Variants in CSTPP1 observed in about 807,000 individuals in gnomAD.
The protein encoded by CSTPP1 is UPF0705 protein C11orf49.
the CSTPP1 span, among the ~76,000 whole-genome samples, chr11:47,039,266 C>T: frequency 1.0e-4 from 13 of 127,770 alleles, 5 homozygotes; most frequent in Non-Finnish European, 2.4e-4. Flanking sequence ...CTCAGGATGC[C>T]GAGGCTGGCG....
the CSTPP1 span, among the ~76,000 whole-genome samples, chr11:46,946,573 G>A: frequency 1.3e-5 from 2 of 152,212 alleles, no homozygotes; most frequent in African/African-American, 4.8e-5. Flanking sequence ...CAGGAGAATG[G>A]TGTGAACCCG....
the CSTPP1 span, among the ~76,000 whole-genome samples, chr11:46,990,070 A>C: frequency 6.6e-6 from 1 of 152,162 alleles, no homozygotes; most frequent in Non-Finnish European, 1.5e-5. Context: ...GGTTGACTCC[A>C]TGTCTTTGCT....
chr11:47,081,233 T>C, the CSTPP1 span, among the ~76,000 whole-genome samples: 2 of 152,188 alleles, frequency 1.3e-5, no homozygotes, highest in Admixed American at 6.5e-5. Flanking sequence ...CTTATTTGCT[T>C]ATTTTTTTGA....
the CSTPP1 span, among the ~76,000 whole-genome samples, chr11:47,111,985 TC>T: frequency 6.6e-6 from 1 of 152,196 alleles, no homozygotes; most frequent in Non-Finnish European, 1.5e-5. Context: ...CTTCTTCCTT[TC>T]CCTCTTATTC....
At chr11:47,161,572 T>C in the CSTPP1 span, 2 of 1,614,090 alleles carry the variant, frequency 1.2e-6, no homozygotes, top group Middle Eastern at 1.6e-4. Context: ...GACCTCTCCA[T>C]CATTCCCGAA....
At chr11:47,043,167 G>A in the CSTPP1 span, among the ~76,000 whole-genome samples, 1 of 152,152 alleles carries the variant, frequency 6.6e-6, no homozygotes, top group Admixed American at 6.6e-5. Flanking sequence ...GCAGGAGACT[G>A]GAGCTAGCCC....
the CSTPP1 span, among the ~76,000 whole-genome samples, chr11:46,967,997 A>C: frequency 6.6e-6 from 1 of 151,920 alleles, no homozygotes; most frequent in Non-Finnish European, 1.5e-5. Flanking sequence ...GGCGGAAGAA[A>C]GCAGAAACAA....
chr11:47,012,532 A>C, the CSTPP1 span, among the ~76,000 whole-genome samples: 1 of 152,174 alleles, frequency 6.6e-6, no homozygotes, highest in Non-Finnish European at 1.5e-5. Flanking sequence ...AGCAAAGCAA[A>C]CTTTATTTGC....
At chr11:47,147,372 G>A in the CSTPP1 span, among the ~76,000 whole-genome samples, 1 of 152,168 alleles carries the variant, frequency 6.6e-6, no homozygotes. Context: ...GAAGCCAGTA[G>A]GTCTGGAATT....
the CSTPP1 span, among the ~76,000 whole-genome samples, chr11:47,028,484 G>A: frequency 6.6e-6 from 1 of 152,128 alleles, no homozygotes; most frequent in Non-Finnish European, 1.5e-5. Flanking sequence ...TCTAAGAACT[G>A]TAGTAATTAG....
chr11:46,997,092 A>G, the CSTPP1 span, among the ~76,000 whole-genome samples: 2 of 152,038 alleles, frequency 1.3e-5, no homozygotes, highest in Non-Finnish European at 2.9e-5. Context: ...CTGAATTTGA[A>G]TGTTGGCTTT....
chr11:46,995,167 T>G, the CSTPP1 span, among the ~76,000 whole-genome samples: 16 of 152,326 alleles, frequency 1.1e-4, no homozygotes, highest in East Asian at 3.1e-3. Flanking sequence ...TCTTCTCTCT[T>G]TTCTTCTTTA....
the CSTPP1 span, among the ~76,000 whole-genome samples, chr11:47,035,185 T>C: frequency 3.3e-5 from 5 of 152,212 alleles, no homozygotes; most frequent in African/African-American, 1.2e-4. Flanking sequence ...TACCTTAGAT[T>C]CATTTATCTT....
At chr11:47,155,523 A>T in the CSTPP1 span, 5 of 551,092 alleles carry the variant, frequency 9.1e-6, no homozygotes, top group Admixed American at 1.2e-4. Flanking sequence ...AATCAGTTTA[A>T]GTGATAATGA....
chr11:46,948,708 G>A, the CSTPP1 span, among the ~76,000 whole-genome samples: 1 of 152,164 alleles, frequency 6.6e-6, no homozygotes, highest in Non-Finnish European at 1.5e-5. Context: ...TGCACAGACA[G>A]TAAACAAAAA....
chr11:47,022,730 A>G, the CSTPP1 span, among the ~76,000 whole-genome samples: 1 of 152,212 alleles, frequency 6.6e-6, no homozygotes, highest in Non-Finnish European at 1.5e-5. Context: ...TTGATTTTCT[A>G]AGACTAATAT....
the CSTPP1 span, chr11:46,987,472 A>G: frequency 1.8e-6 from 1 of 566,462 alleles, no homozygotes; most frequent in Non-Finnish European, 3.1e-6. Context: ...GTTTTGGAGC[A>G]TGCCTTTGGT....
At chr11:46,955,809 C>T in the CSTPP1 span, among the ~76,000 whole-genome samples, 2 of 149,762 alleles carry the variant, frequency 1.3e-5, no homozygotes, top group South Asian at 2.2e-4. Context: ...CTGGACAACA[C>T]GGTGAAACCC....
the CSTPP1 span, among the ~76,000 whole-genome samples, chr11:47,030,617 T>C: frequency 6.6e-6 from 1 of 152,134 alleles, no homozygotes; most frequent in Non-Finnish European, 1.5e-5. Flanking sequence ...ATTTCATCAC[T>C]CAGGTATTAA....
Sources: allele counts gnomAD v4.1 joint callset (sites outside exome capture counted in the v4.1 genomes callset), GRCh38; gene constraint gnomAD v4.1.1; transcripts MANE v1.5; gene names NCBI Gene and HGNC (gene_info 2026-07-23, HGNC 2026-07-21).